The following SDHAF3 variants were observed in gnomAD, a reference collection of about 807,000 sequenced individuals.
SDHAF3 encodes the protein succinate dehydrogenase assembly factor 3, mitochondrial.
A neutral mutation model predicts 11.5 loss-of-function variants in SDHAF3; 18 were observed. The ratio of observed to expected loss-of-function variants is 1.56; its 90% CI spans 1.08 to 2.32. SDHAF3 has a LOEUF of 2.32. Ranked by LOEUF, SDHAF3 falls within the 30% of genes most tolerant of loss-of-function variation. The pLI, the probability that SDHAF3 is intolerant of heterozygous loss-of-function variation, is 0.00. For synonymous variants in SDHAF3, 72 were observed against 59.3 expected, an observed-to-expected ratio of 1.21 and a Z score of -0.99; for missense variants, 200 against 154.4, an observed-to-expected ratio of 1.30 and a Z score of -1.57.
At chr7:97,119,770 T>C (rs531225888) in intron 1 of SDHAF3, among the ~76,000 whole-genome samples, 86 of 152,300 alleles carry the variant, frequency 5.6e-4, no homozygotes, top group South Asian at 2.1e-3. Context: ...CTTGATACTT[T>C]TTTGAAAAGT....
chr7:97,168,198 G>A (rs755630330), intron 1 of SDHAF3, among the ~76,000 whole-genome samples: 55 of 152,158 alleles, frequency 3.6e-4, no homozygotes, highest in Admixed American at 9.8e-4. Context: ...CTGGTCATGA[G>A]ACAAGAACTT....
chr7:97,121,158 T>C (rs1240486437), intron 1 of SDHAF3, among the ~76,000 whole-genome samples: 2 of 152,196 alleles, frequency 1.3e-5, no homozygotes, highest in Non-Finnish European at 2.9e-5. Flanking sequence ...AGAAGTGAAA[T>C]TGAGACTCCA....
intron 1 of SDHAF3, chr7:97,142,636 A>C (rs1190074616): frequency 6.6e-6 from 1 of 152,184 alleles, no homozygotes; most frequent in African/African-American, 2.4e-5. Flanking sequence ...AAGTTAAAGT[A>C]GCTTAATACT....
At chr7:97,149,074 C>T (rs141743668) in intron 1 of SDHAF3, among the ~76,000 whole-genome samples, 32 of 151,926 alleles carry the variant, frequency 2.1e-4, no homozygotes, top group African/African-American at 7.5e-4. Flanking sequence ...GGACTACAGG[C>T]GTGCACCATC....
intron 1 of SDHAF3, among the ~76,000 whole-genome samples, chr7:97,122,002 C>T (rs1448154290): frequency 3.3e-5 from 5 of 151,948 alleles, no homozygotes; most frequent in Non-Finnish European, 2.9e-5. Context: ...GGACTACAGG[C>T]GCCCACCACT....
intron 1 of SDHAF3, among the ~76,000 whole-genome samples, chr7:97,167,492 T>A (rs1457096720): frequency 6.6e-6 from 1 of 152,146 alleles, no homozygotes; most frequent in South Asian, 2.1e-4. Flanking sequence ...CTACTCAATG[T>A]GTTCACCAGG....
intron 1 of SDHAF3, among the ~76,000 whole-genome samples, chr7:97,126,943 C>T (rs944662883): frequency 3.9e-4 from 60 of 151,928 alleles, no homozygotes; most frequent in African/African-American, 1.4e-3. Flanking sequence ...TGTAGACACA[C>T]GAGGGAATCT....
chr7:97,178,894 T>G (rs1789729253), intron 1 of SDHAF3, among the ~76,000 whole-genome samples: 1 of 152,200 alleles, frequency 6.6e-6, no homozygotes, highest in African/African-American at 2.4e-5. Context: ...TGGTGTCATA[T>G]CTAAGAACCT....
At chr7:97,137,754 A>G (rs1455204937) in intron 1 of SDHAF3, among the ~76,000 whole-genome samples, 2 of 151,944 alleles carry the variant, frequency 1.3e-5, no homozygotes, top group Non-Finnish European at 2.9e-5. Flanking sequence ...GAGTATGAGT[A>G]GTATGAGTAC....
intron 1 of SDHAF3, among the ~76,000 whole-genome samples, chr7:97,174,504 G>A (rs2115746847): frequency 6.6e-6 from 1 of 152,224 alleles, no homozygotes; most frequent in South Asian, 2.1e-4. Context: ...CTGTTCCAGG[G>A]CCTGATGCAA....
intron 1 of SDHAF3, among the ~76,000 whole-genome samples, chr7:97,119,878 G>T (rs1355225851): frequency 6.6e-6 from 1 of 152,074 alleles, no homozygotes; most frequent in Non-Finnish European, 1.5e-5. Flanking sequence ...ATCTCAGTAA[G>T]AATACCACAT....
chr7:97,170,439 CTAT>C (rs1214171137), intron 1 of SDHAF3, among the ~76,000 whole-genome samples: 2 of 152,038 alleles, frequency 1.3e-5, no homozygotes, highest in Admixed American at 6.6e-5. Context: ...AAGTACAATG[CTAT>C]TATTGTTTCT....
intron 1 of SDHAF3, among the ~76,000 whole-genome samples, chr7:97,120,796 G>T (rs1487606879): frequency 6.6e-6 from 1 of 152,076 alleles, no homozygotes; most frequent in Admixed American, 6.6e-5. Flanking sequence ...GGGTATAGTT[G>T]CCACTGGAGA....
At chr7:97,168,056 G>T (rs1562830715) in intron 1 of SDHAF3, among the ~76,000 whole-genome samples, 2 of 152,288 alleles carry the variant, frequency 1.3e-5, no homozygotes, top group South Asian at 4.1e-4. Context: ...GAGGAGCCTG[G>T]TCTCTTCAGC....
intron 1 of SDHAF3, among the ~76,000 whole-genome samples, chr7:97,178,867 G>T (rs1262821278): frequency 6.6e-6 from 1 of 152,038 alleles, no homozygotes; most frequent in East Asian, 1.9e-4. Flanking sequence ...TATTTTTGTT[G>T]TTGTTGCTTG....
chr7:97,170,388 CATTTT>C (rs1789587166), intron 1 of SDHAF3, among the ~76,000 whole-genome samples: 1 of 152,020 alleles, frequency 6.6e-6, no homozygotes, highest in Admixed American at 6.6e-5. Flanking sequence ...TTTATGAATA[CATTTT>C]TAGATTAAGT....
chr7:97,161,883 G>GCAGT (rs1279500901), intron 1 of SDHAF3, among the ~76,000 whole-genome samples: 7 of 152,312 alleles, frequency 4.6e-5, no homozygotes, highest in African/African-American at 1.7e-4. Context: ...GAATAGTGAT[G>GCAGT]CAGTAAACAT....
chr7:97,147,618 A>G (rs1461389058), intron 1 of SDHAF3, among the ~76,000 whole-genome samples: 36 of 152,196 alleles, frequency 2.4e-4, no homozygotes, highest in Admixed American at 2.3e-3. Context: ...GCCATGGGGG[A>G]GTGCTTGTGC....
intron 1 of SDHAF3, among the ~76,000 whole-genome samples, 153 bp downstream of exon 1, chr7:97,118,050 C>T (rs997800122): frequency 2.6e-5 from 4 of 152,204 alleles, no homozygotes; most frequent in Admixed American, 2.6e-4. Flanking sequence ...TCCAAAGTTT[C>T]TCCCACGGGT....
Sources: allele counts gnomAD v4.1 joint callset (sites outside exome capture counted in the v4.1 genomes callset), GRCh38; gene constraint gnomAD v4.1.1; transcripts MANE v1.5; gene names NCBI Gene and HGNC (gene_info 2026-07-23, HGNC 2026-07-21).